CACNA1A: variants seen among roughly 807,000 people sequenced by gnomAD.
CACNA1A encodes the protein calcium voltage-gated channel subunit alpha1 A.
In CACNA1A, 57 loss-of-function variants were observed where a neutral mutation model predicts 262.4. That is an observed-to-expected ratio of 0.22 (90% confidence interval 0.18 to 0.27). CACNA1A has a LOEUF of 0.27. Ranked by LOEUF, CACNA1A falls within the 10% of genes least tolerant of loss-of-function variation. The pLI is 1.00. For missense variants in CACNA1A, 2,526 were observed against 3,562.8 expected (o/e 0.71, Z 7.41); for synonymous variants, 1,431 against 1,419.3 (o/e 1.01, Z -0.18).
chr19:13,401,979 C>G (rs1474960890), intron 3 of CACNA1A, among the ~76,000 whole-genome samples: 1 of 152,188 alleles, frequency 6.6e-6, no homozygotes, highest in Non-Finnish European at 1.5e-5. Flanking sequence ...ATCCGGCCAC[C>G]AGTTGTACTT....
intron 17 of CACNA1A, among the ~76,000 whole-genome samples, chr19:13,301,430 A>C (rs1268968208): frequency 6.6e-6 from 1 of 152,216 alleles, no homozygotes; most frequent in African/African-American, 2.4e-5. Context: ...CCCCAGAAGG[A>C]GAATGAGGAG....
chr19:13,400,830 C>T (rs931635762), intron 3 of CACNA1A, among the ~76,000 whole-genome samples: 1 of 152,068 alleles, frequency 6.6e-6, no homozygotes, highest in Non-Finnish European at 1.5e-5. Context: ...ACCCAGGGGG[C>T]CATGGCGGTC....
At chr19:13,433,470 A>AAAAAAAAAAAAAAAAAAAAAAAC (rs2060556474) in intron 3 of CACNA1A, among the ~76,000 whole-genome samples, 1 of 148,270 alleles carries the variant, frequency 6.7e-6, no homozygotes, top group South Asian at 2.2e-4. Context: ...CAAAAAAAAA[A>AAAAAAAAAAAAAAAAAAAAAAAC]AAAAAAAAAA....
chr19:13,283,427 C>A, intron 21 of CACNA1A, 31 bp from the exon 22 acceptor site: 1 of 1,613,336 alleles, frequency 6.2e-7, no homozygotes. Context: ...TGCAGAGGTC[C>A]ACTCAGACCA....
At chr19:13,412,383 C>T (rs898713799) in intron 3 of CACNA1A, among the ~76,000 whole-genome samples, 6 of 151,850 alleles carry the variant, frequency 4.0e-5, no homozygotes, top group African/African-American at 1.5e-4. Context: ...CATTGACAAG[C>T]ATATGGTGAT....
At chr19:13,463,256 G>A (rs2061158901) in intron 1 of CACNA1A, among the ~76,000 whole-genome samples, 1 of 152,030 alleles carries the variant, frequency 6.6e-6, no homozygotes, top group African/African-American at 2.4e-5. Context: ...GTTTAGTAAA[G>A]GCCAACCATT....
At position 13,506,334 on chromosome 19, in the gene CACNA1A, G is replaced by A. The variant is rs957630971; in HGVS notation, c.-110C>T. On this transcript the variant is annotated 5_prime_UTR_variant, in exon 1 of 47. Transcript: ENST00000360228. Reference sequence around the variant, plus strand: ...AGGCTGCCGGGGCTGGGAGCGCGGCGGCTGGAGCTACGACTGCGGAGACGC... The same window carrying A: ...AGGCTGCCGGGGCTGGGAGCGCGGCAGCTGGAGCTACGACTGCGGAGACGC... 29 of 1,052,304 alleles carry A rather than the reference G, an allele frequency of 2.8e-5. No homozygotes were observed. The Admixed American group carries it at 5.9e-4, about 21-fold the overall frequency. The allele number at this position is 1,052,304 out of a possible 1,614,324, so 65.2% of individuals were successfully genotyped here. A position where few individuals can be genotyped will look rare whatever the true frequency, so the allele number is the denominator to read the frequency against.
intron 6 of CACNA1A, among the ~76,000 whole-genome samples, chr19:13,344,741 TTTATTTA>T (rs757872458): frequency 0.028 from 1,319 of 47,288 alleles, 20 homozygotes; most frequent in African/African-American, 0.082. Flanking sequence ...ATTTATTTTA[TTTATTTA>T]TTTATTTATT....
intron 3 of CACNA1A, among the ~76,000 whole-genome samples, chr19:13,393,896 A>G (rs548928001): frequency 2.0e-5 from 3 of 148,660 alleles, no homozygotes; most frequent in African/African-American, 5.0e-5. Flanking sequence ...GCTCACTGCA[A>G]CCTCTGCCTC....
intron 19 of CACNA1A, among the ~76,000 whole-genome samples, chr19:13,288,384 C>T (rs73511459): frequency 0.056 from 8,517 of 152,074 alleles, 336 homozygotes; most frequent in East Asian, 0.12. Context: ...GGATTACCAG[C>T]GTGCACCACA....
chr19:13,235,863 A>G (rs959723587), intron 31 of CACNA1A, 133 bp from the exon 32 acceptor site: 33 of 622,652 alleles, frequency 5.3e-5, no homozygotes, highest in Non-Finnish European at 2.3e-5. Context: ...AAGGAGGGAG[A>G]GAGAAAGCAC....
At chr19:13,234,724 C>T (rs946774656) in intron 34 of CACNA1A, 197 bp downstream of exon 34, 4 of 555,684 alleles carry the variant, frequency 7.2e-6, no homozygotes, top group African/African-American at 5.7e-5. Context: ...AAGAGAAGGC[C>T]GGCACGTCCC....
chr19:13,308,396 C>T lies in CACNA1A; in HGVS notation c.1781+20G>A. The stretch of plus-strand genomic sequence containing the variant: ...CATCCCCACCCCCTGTACAAATGTC[C>T]AGGAACCCCAAAGACTTACTTTGTG... On this transcript the variant is annotated intron_variant, in intron 13 of 46. Transcript: ENST00000360228. The surrounding 1 kb of genome is among the most constrained non-coding windows in gnomAD (Gnocchi z 4.2). The T allele has an allele frequency of 6.3e-7, 1 of 1,590,272 alleles. No homozygotes were observed. Among genetic ancestry groups the T allele is most frequent in the Non-Finnish European group, 8.6e-7 (1 of 1,163,292 alleles).
intron 3 of CACNA1A, among the ~76,000 whole-genome samples, chr19:13,393,591 C>G (rs927275688): frequency 1.7e-5 from 2 of 118,490 alleles, no homozygotes; most frequent in African/African-American, 2.8e-5. Flanking sequence ...CTTCCTCCTC[C>G]TCTTCCCTCC....
At chr19:13,431,892 A>G (rs10405285) in intron 3 of CACNA1A, among the ~76,000 whole-genome samples, 58,180 of 151,492 alleles carry the variant, frequency 0.38, 12,704 homozygotes, top group African/African-American at 0.61. Context: ...AGATCACGAG[A>G]TCAAGAGATT....
intron 1 of CACNA1A, 148 bp from the exon 2 acceptor site, chr19:13,455,360 G>A: frequency 1.8e-6 from 1 of 554,572 alleles, no homozygotes; most frequent in East Asian, 2.9e-5. Context: ...TCTCCTGTCT[G>A]GAGTAGATCC....
intron 3 of CACNA1A, among the ~76,000 whole-genome samples, chr19:13,436,803 T>C (rs1327302174): frequency 6.6e-6 from 1 of 152,190 alleles, no homozygotes; most frequent in Non-Finnish European, 1.5e-5. Flanking sequence ...AGTGGGGAGA[T>C]CAGGGAAGGC....
At chr19:13,470,465 TC>T (rs2145032642) in intron 1 of CACNA1A, among the ~76,000 whole-genome samples, 1 of 152,282 alleles carries the variant, frequency 6.6e-6, no homozygotes, top group South Asian at 2.1e-4. Context: ...TTCTCAATCT[TC>T]CCTTTTTGCT....
chr19:13,412,361 G>C (rs2060125588), intron 3 of CACNA1A, among the ~76,000 whole-genome samples: 1 of 152,000 alleles, frequency 6.6e-6, no homozygotes, highest in African/African-American at 2.4e-5. Context: ...TCTGCACCCA[G>C]CAATTCCTTA....
Sources: gnomAD v4.1 joint callset for allele counts (sites outside exome capture counted in the v4.1 genomes callset) on GRCh38, gnomAD v4.1.1 for gene constraint, Gnocchi (gnomAD v3.1) non-coding constraint, MANE v1.5 for transcripts, NCBI Gene and HGNC (gene_info 2026-07-23, HGNC 2026-07-21) for gene names.